VGLL3: variants seen among roughly 807,000 people sequenced by gnomAD.
VGLL3 encodes the protein transcription cofactor vestigial-like protein 3.
VGLL3 carries 18 observed loss-of-function variants against 29.2 expected under a neutral mutation model. The ratio of observed to expected loss-of-function variants is 0.62; its 90% confidence interval spans 0.43 to 0.91. The LOEUF (loss-of-function observed/expected upper bound fraction) is 0.91, where lower values mean the gene tolerates loss of function less well. Among genes scored for constraint, VGLL3 ranks in the 40% least tolerant of loss-of-function variants. VGLL3 has a pLI of 0.00. For synonymous variants in VGLL3, 180 were observed against 151.8 expected, an observed-to-expected ratio of 1.19 and a Z score of -1.36; for missense variants, 440 against 413.2, an observed-to-expected ratio of 1.06 and a Z score of -0.56.
chr3:86,966,322 G>A (rs1704958894), intron 3 of VGLL3, among the ~76,000 whole-genome samples: 1 of 152,068 alleles, frequency 6.6e-6, no homozygotes, highest in Non-Finnish European at 1.5e-5. Flanking sequence ...TTAGCTGAAG[G>A]CAGTAGGAGG....
At chr3:86,973,833 G>T (rs766641424) in intron 2 of VGLL3, among the ~76,000 whole-genome samples, 7 of 152,108 alleles carry the variant, frequency 4.6e-5, no homozygotes, top group Non-Finnish European at 8.8e-5. Context: ...GCCAACAGAT[G>T]ATTTTCTTTG....
chr3:86,975,425 A>G (rs982501255), intron 2 of VGLL3, among the ~76,000 whole-genome samples: 4 of 152,234 alleles, frequency 2.6e-5, no homozygotes, highest in Admixed American at 2.6e-4. Context: ...AAGATCTAAG[A>G]AAAGCAAATA....
rs758574525 is a variant in VGLL3 at position 86,978,537 on chromosome 3, G to T, written c.392C>A (p.Pro131His). The T allele has an allele frequency of 6.2e-7, 1 of 1,614,094 alleles. No individual in the cohort carries two copies. The highest frequency in any genetic ancestry group is 8.5e-7 in the Non-Finnish European group (1 of 1,179,992). The change falls in exon 2 of 4, where the codon CCC (proline) becomes CAC (histidine). Residue 131 changes from proline to histidine, a missense_variant. Pro to His is a moderately conservative substitution (Grantham distance 77). Coordinates refer to ENST00000398399, the MANE Select transcript of VGLL3 (RefSeq NM_016206.4). The stretch of plus-strand genomic sequence containing the variant: ...TTTTGAATTCTTACCTCGCCATAGG[G>T]GGGTTAGCCCCATCTTGCTTTTTGA... ...AISKSKMGLT[P>H]LWRDSSALSS... is the part of the protein sequence containing the mutation.
chr3:86,949,595 G>A (rs1704573243), intron 3 of VGLL3, among the ~76,000 whole-genome samples: 1 of 152,018 alleles, frequency 6.6e-6, no homozygotes, highest in African/African-American at 2.4e-5. Context: ...GGGAAGCCGA[G>A]GCGGGCGGAT....
chr3:86,961,001 T>G (rs1001796364), intron 3 of VGLL3, among the ~76,000 whole-genome samples: 4 of 150,046 alleles, frequency 2.7e-5, no homozygotes, highest in African/African-American at 9.8e-5. Flanking sequence ...TAATATTAGG[T>G]TACCTAAATA....
At chr3:86,975,137 C>G (rs1705181837) in intron 2 of VGLL3, among the ~76,000 whole-genome samples, 1 of 152,178 alleles carries the variant, frequency 6.6e-6, no homozygotes, top group African/African-American at 2.4e-5. Flanking sequence ...TCCAAGATCA[C>G]ATTGCAACCA....
intron 2 of VGLL3, among the ~76,000 whole-genome samples, chr3:86,978,041 G>A (rs989827411): frequency 5.9e-5 from 9 of 152,172 alleles, no homozygotes; most frequent in African/African-American, 2.2e-4. Context: ...ACTATAAAGA[G>A]TTAATACAAT....
At chr3:86,981,253 A>G (rs1156876759) in intron 1 of VGLL3, among the ~76,000 whole-genome samples, 2 of 152,110 alleles carry the variant, frequency 1.3e-5, no homozygotes, top group African/African-American at 4.8e-5. Flanking sequence ...TTGTATTTAA[A>G]CTATAGAATT....
intron 1 of VGLL3, among the ~76,000 whole-genome samples, chr3:86,987,055 T>C (rs1047638684): frequency 1.3e-5 from 2 of 152,084 alleles, no homozygotes; most frequent in East Asian, 3.9e-4. Flanking sequence ...TAAAAAGCTT[T>C]AGGAAATTTC....
rs1311673056 is a variant in VGLL3 at position 86,940,251 on chromosome 3, T to C, written c.*6773A>G. 1 of 152,346 alleles carries C rather than the reference T, an allele frequency of 6.6e-6. No individual in the cohort carries two copies. The highest frequency in any genetic ancestry group is 1.5e-5 in the Non-Finnish European group (1 of 68,012). 9.4% of individuals were successfully genotyped at this position (152,346 alleles called of 1,614,324 possible). ...TTCTCTTTTCAATGTTAATGAATCG[T>C]AGAAAAGTTTTTGTTTGTTTTTTCA... is the stretch of plus-strand genomic sequence containing the variant. On this transcript the variant is annotated 3_prime_UTR_variant, in exon 4 of 4. Transcript: ENST00000398399.
intron 2 of VGLL3, among the ~76,000 whole-genome samples, chr3:86,973,537 C>T (rs1468897325): frequency 6.6e-6 from 1 of 152,132 alleles, no homozygotes; most frequent in Non-Finnish European, 1.5e-5. Context: ...TAGTTACTTT[C>T]TTCTAGAGTT....
intron 1 of VGLL3, among the ~76,000 whole-genome samples, chr3:86,979,722 G>A (rs1705283907): frequency 6.6e-6 from 1 of 152,172 alleles, no homozygotes; most frequent in Admixed American, 6.5e-5. Context: ...CACAAATCAT[G>A]TAAGCTGCAG....
chr3:86,987,491 C>T (rs1260176910), intron 1 of VGLL3, among the ~76,000 whole-genome samples: 1 of 152,146 alleles, frequency 6.6e-6, no homozygotes, highest in Non-Finnish European at 1.5e-5. Flanking sequence ...TGACTGTTCT[C>T]TGTCTCATCT....
Position 86,980,141 on chromosome 3 carries a change from T to TA in VGLL3, c.127-1340dup, listed in dbSNP as rs1420815733. On this transcript the variant is annotated intron_variant, in intron 1 of 3. Coordinates refer to ENST00000398399, the MANE Select transcript of VGLL3 (RefSeq NM_016206.4). ...CTTGATCATACCTTTTTTTTTTTTT[T>TA]ACTTTGAAAAAAACGCATGCTGGAA... Among the ~76,000 whole-genome samples the TA allele has an allele frequency of 7.9e-5, 12 of 151,404 alleles. No homozygotes were observed. In the East Asian group the frequency reaches 1.2e-3, roughly 15 times the overall value.
intron 1 of VGLL3, among the ~76,000 whole-genome samples, chr3:86,983,461 G>A (rs955639431): frequency 3.3e-5 from 5 of 152,060 alleles, no homozygotes; most frequent in African/African-American, 7.2e-5. Flanking sequence ...GCGTGACCAC[G>A]GCTCACTGCA....
chr3:86,988,416 A>T (rs969923053), intron 1 of VGLL3, among the ~76,000 whole-genome samples: 1 of 151,768 alleles, frequency 6.6e-6, no homozygotes, highest in Non-Finnish European at 1.5e-5. Context: ...TTCTCGGATG[A>T]CTGCATTAGG....
intron 3 of VGLL3, among the ~76,000 whole-genome samples, chr3:86,965,379 C>T (rs1249762976): frequency 2.6e-5 from 4 of 152,074 alleles, no homozygotes; most frequent in South Asian, 2.1e-4. Flanking sequence ...GCTGAGTCAC[C>T]GTTTCTGGCT....
At chr3:86,970,042 A>G (rs895320111) in intron 2 of VGLL3, among the ~76,000 whole-genome samples, 1 of 152,194 alleles carries the variant, frequency 6.6e-6, no homozygotes, top group African/African-American at 2.4e-5. Context: ...AATTTGGTGA[A>G]GATCCTATGG....
At chr3:86,949,826 CAA>C (rs568854625) in intron 3 of VGLL3, among the ~76,000 whole-genome samples, 9 of 59,478 alleles carry the variant, frequency 1.5e-4, no homozygotes, top group Admixed American at 3.8e-4. Context: ...GACTCCATCT[CAA>C]AAAAAAAAAA....
Sources: gnomAD v4.1 joint callset for allele counts (sites outside exome capture counted in the v4.1 genomes callset) on GRCh38, gnomAD v4.1.1 for gene constraint, MANE v1.5 for transcripts, NCBI Gene and HGNC (gene_info 2026-07-23, HGNC 2026-07-21) for gene names.